PHYHIPL: variants seen among roughly 807,000 people sequenced by gnomAD.
PHYHIPL encodes phytanoyl-CoA 2-hydroxylase interacting protein like, also known as phytanoyl-CoA hydroxylase-interacting protein-like.
In PHYHIPL, 9 loss-of-function variants were observed where a neutral mutation model predicts 33.4. That is an observed-to-expected ratio of 0.27 (90% CI 0.16 to 0.47). The LOEUF (loss-of-function observed/expected upper bound fraction) is 0.47, where lower values mean the gene tolerates loss of function less well. Among genes scored for constraint, PHYHIPL ranks in the 20% least tolerant of loss-of-function variants. The pLI is 0.99. For missense variants in PHYHIPL, 365 were observed against 460.7 expected, an observed-to-expected ratio of 0.79 and a Z score of 1.90; for synonymous variants, 153 against 154.1, an observed-to-expected ratio of 0.99 and a Z score of 0.05.
At chr10:59,201,504 T>C (rs1230855723) in intron 1 of PHYHIPL, among the ~76,000 whole-genome samples, 1 of 152,146 alleles carries the variant, frequency 6.6e-6, no homozygotes, top group Non-Finnish European at 1.5e-5. Flanking sequence ...GGAATAGGTG[T>C]GATGTGGTGC....
At chr10:59,184,102 G>A (rs1422067345) in intron 1 of PHYHIPL, among the ~76,000 whole-genome samples, 1 of 152,116 alleles carries the variant, frequency 6.6e-6, no homozygotes, top group African/African-American at 2.4e-5. Context: ...AGGTCCAATA[G>A]GTCCTTAATG....
intron 1 of PHYHIPL, among the ~76,000 whole-genome samples, chr10:59,181,203 A>G (rs187040909): frequency 3.4e-4 from 52 of 152,300 alleles, no homozygotes; most frequent in African/African-American, 1.2e-3. Flanking sequence ...AGTAATAATT[A>G]TTATTCTGAA....
At chr10:59,217,675 A>G (rs1589282106) in intron 1 of PHYHIPL, among the ~76,000 whole-genome samples, 1 of 151,944 alleles carries the variant, frequency 6.6e-6, no homozygotes, top group South Asian at 2.1e-4. Flanking sequence ...ATTCCATAAT[A>G]AATTATATTT....
chr10:59,202,856 C>A (rs1454310722), intron 1 of PHYHIPL, among the ~76,000 whole-genome samples: 6 of 152,008 alleles, frequency 3.9e-5, no homozygotes, highest in African/African-American at 1.4e-4. Flanking sequence ...TCAATAAGTA[C>A]CTTAGACATG....
At chr10:59,186,364 C>T (rs1210318701) in intron 1 of PHYHIPL, among the ~76,000 whole-genome samples, 7 of 152,010 alleles carry the variant, frequency 4.6e-5, no homozygotes, top group Non-Finnish European at 8.8e-5. Context: ...TTTTGGTTAC[C>T]GTAGCCTTGT....
Position 59,239,353 on chromosome 10 carries a change from C to T in PHYHIPL, c.596+648C>T, listed in dbSNP as rs116914758. Among the ~76,000 whole-genome samples, 1,390 of 151,992 alleles carry T rather than the reference C, an allele frequency of 9.1e-3. 8 individuals carry two copies. Among genetic ancestry groups the T allele is most frequent in the Admixed American group, 0.015 (223 of 15,258 alleles). On this transcript the variant is annotated intron_variant, in intron 4 of 4. Coordinates refer to ENST00000373880, the MANE Select transcript of PHYHIPL (RefSeq NM_032439.4). Reference sequence around the variant, plus strand: ...AAGAGAGCTTGTGCACGGAAACTCCCCTTTTAAAACCATCAGATCTCATGA... The same window carrying T: ...AAGAGAGCTTGTGCACGGAAACTCCTCTTTTAAAACCATCAGATCTCATGA...
At position 59,224,712 on chromosome 10, in the gene PHYHIPL, A is replaced by G. The variant is rs141984810; in HGVS notation, c.107-9592A>G. Among the ~76,000 whole-genome samples the G allele has an allele frequency of 1.7e-3, 257 of 152,288 alleles. 1 individual carries two copies. The highest frequency in any genetic ancestry group is 5.8e-3 in the African/African-American group (242 of 41,554). ...TATTATTCTGAAATTAAATATTTCT[A>G]CATTTGATGTTAAAATATAATTTTT... On this transcript the variant is annotated intron_variant, in intron 1 of 4. Transcript: ENST00000373880.
chr10:59,214,937 G>C (rs1839572271), intron 1 of PHYHIPL, among the ~76,000 whole-genome samples: 1 of 152,008 alleles, frequency 6.6e-6, no homozygotes, highest in Non-Finnish European at 1.5e-5. Context: ...ATTCTAGATG[G>C]ATACAGATAA....
At chr10:59,184,969 G>A (rs1838531678) in intron 1 of PHYHIPL, among the ~76,000 whole-genome samples, 1 of 150,468 alleles carries the variant, frequency 6.6e-6, no homozygotes, top group Non-Finnish European at 1.5e-5. Flanking sequence ...TGCCTACAAA[G>A]GACATGAACT....
intron 2 of PHYHIPL, among the ~76,000 whole-genome samples, chr10:59,235,875 A>C (rs1265710297): frequency 1.3e-5 from 2 of 151,918 alleles, no homozygotes; most frequent in Non-Finnish European, 2.9e-5. Context: ...AAGTGAAGCA[A>C]AAATTCATAT....
intron 1 of PHYHIPL, among the ~76,000 whole-genome samples, chr10:59,187,083 T>G (rs1589259252): frequency 6.6e-6 from 1 of 152,350 alleles, no homozygotes; most frequent in East Asian, 1.9e-4. Flanking sequence ...CCATTCAGTA[T>G]GATATTGGCT....
chr10:59,187,756 G>T (rs933420653), intron 1 of PHYHIPL, among the ~76,000 whole-genome samples: 9 of 152,360 alleles, frequency 5.9e-5, no homozygotes, highest in South Asian at 2.1e-4. Context: ...TTTGAGTAGA[G>T]AGGTTCATAG....
At chr10:59,185,818 T>C (rs1838581007) in intron 1 of PHYHIPL, among the ~76,000 whole-genome samples, 1 of 152,192 alleles carries the variant, frequency 6.6e-6, no homozygotes, top group Non-Finnish European at 1.5e-5. Context: ...GGTTGTTTGT[T>C]TTTTTCTTGT....
At chr10:59,198,797 G>T (rs565042353) in intron 1 of PHYHIPL, among the ~76,000 whole-genome samples, 193 of 152,272 alleles carry the variant, frequency 1.3e-3, no homozygotes, top group Non-Finnish European at 2.3e-3. Context: ...GCATTTCTCT[G>T]ATGACCAGTG....
intron 1 of PHYHIPL, among the ~76,000 whole-genome samples, chr10:59,214,933 G>A (rs974620702): frequency 1.3e-5 from 2 of 152,020 alleles, no homozygotes; most frequent in African/African-American, 4.8e-5. Context: ...GAACATTCTA[G>A]ATGGATACAG....
At chr10:59,209,555 C>A (rs1180608527) in intron 1 of PHYHIPL, among the ~76,000 whole-genome samples, 2 of 152,146 alleles carry the variant, frequency 1.3e-5, no homozygotes, top group Non-Finnish European at 2.9e-5. Context: ...ATCACAAAGA[C>A]AGGATCAAAT....
intron 1 of PHYHIPL, among the ~76,000 whole-genome samples, chr10:59,189,575 C>T (rs1166510529): frequency 6.6e-6 from 1 of 151,852 alleles, no homozygotes; most frequent in African/African-American, 2.4e-5. Context: ...TGCATTCCAA[C>T]TTTAGGTTCT....
intron 1 of PHYHIPL, among the ~76,000 whole-genome samples, chr10:59,222,064 T>A (rs1488270663): frequency 1.3e-5 from 2 of 152,066 alleles, no homozygotes; most frequent in Non-Finnish European, 2.9e-5. Flanking sequence ...ATAAATGTAG[T>A]TTCATCATTG....
At chr10:59,243,190 A>G (rs1425083057) in intron 4 of PHYHIPL, among the ~76,000 whole-genome samples, 1 of 152,162 alleles carries the variant, frequency 6.6e-6, no homozygotes, top group Non-Finnish European at 1.5e-5. Context: ...GAAAAATAAA[A>G]CAATTTGAAT....
Sources: allele counts gnomAD v4.1 joint callset (sites outside exome capture counted in the v4.1 genomes callset), GRCh38; gene constraint gnomAD v4.1.1; transcripts MANE v1.5; gene names NCBI Gene and HGNC (gene_info 2026-07-23, HGNC 2026-07-21).